Variants in FBXW10 observed in about 807,000 individuals in gnomAD.
FBXW10 encodes the protein F-box and WD repeat domain containing 10.
FBXW10 carries 68 observed loss-of-function variants against 113.1 expected under a neutral mutation model. That is an observed-to-expected ratio of 0.60 (90% CI 0.49 to 0.74). The LOEUF is 0.74. Among genes scored for constraint, FBXW10 ranks in the 30% least tolerant of loss-of-function variants. The pLI, the probability that FBXW10 is intolerant of heterozygous loss-of-function variation, is 0.00. For missense variants in FBXW10, 753 were observed against 1,284.5 expected, an observed-to-expected ratio of 0.59 and a Z score of 6.32; for synonymous variants, 289 against 481.6, an observed-to-expected ratio of 0.60 and a Z score of 5.24.
chr17:18,746,847 T>C (rs571031178), intron 1 of FBXW10, among the ~76,000 whole-genome samples: 51 of 151,622 alleles, frequency 3.4e-4, no homozygotes, highest in Admixed American at 5.2e-4. Flanking sequence ...CAAAACTTCA[T>C]CCCATTCACC....
chr17:18,765,991 T>C (rs2035490211), intron 8 of FBXW10, among the ~76,000 whole-genome samples: 1 of 151,908 alleles, frequency 6.6e-6, no homozygotes, highest in African/African-American at 2.4e-5. Flanking sequence ...CCTCCCAAAG[T>C]GCTGGGATTA....
At chr17:18,758,271 C>T in intron 6 of FBXW10, 34 bp from the exon 7 acceptor site, 1 of 1,472,332 alleles carries the variant, frequency 6.8e-7, no homozygotes, top group Admixed American at 2.2e-5. Flanking sequence ...ACTGACTCTT[C>T]TTTCATGGAT....
chr17:18,775,003 C>T, intron 12 of FBXW10, 133 bp from the exon 13 acceptor site: 1 of 606,150 alleles, frequency 1.6e-6, no homozygotes, highest in Admixed American at 3.0e-5. Context: ...AATTATGTAC[C>T]CATAAAAAAC....
chr17:18,745,377 CGGACTCAGCA>C (rs893873020), intron 1 of FBXW10: 1 of 527,518 alleles, frequency 1.9e-6, no homozygotes, highest in Non-Finnish European at 2.4e-6. Flanking sequence ...CCCAGAACTT[CGGACTCAGCA>C]GGTCTGAGGT....
At chr17:18,752,975 A>G (rs1597590619) in intron 5 of FBXW10, among the ~76,000 whole-genome samples, 1 of 152,182 alleles carries the variant, frequency 6.6e-6, no homozygotes, top group Non-Finnish European at 1.5e-5. Flanking sequence ...CAGAAGGACT[A>G]CCCAGCCAGT....
rs534951527 is a variant in FBXW10 at position 18,766,871 on chromosome 17, G to A, written c.1704+9G>A. The A allele has an allele frequency of 6.3e-7, 1 of 1,579,916 alleles. No individual in the cohort carries two copies. Among genetic ancestry groups the A allele is most frequent in the Non-Finnish European group, 8.6e-7 (1 of 1,159,166 alleles). ...TGGCCCAGTTGGTAAAGGTAAGTGGGCAGTGGGCTACCTTGGCGGAAAGGG... is the reference window on the plus strand; with the variant it reads ...TGGCCCAGTTGGTAAAGGTAAGTGGACAGTGGGCTACCTTGGCGGAAAGGG... On this transcript the variant is annotated intron_variant, in intron 9 of 13. Transcript: ENST00000395665.
intron 13 of FBXW10, among the ~76,000 whole-genome samples, chr17:18,775,920 G>A (rs888072712): frequency 1.3e-5 from 2 of 152,072 alleles, no homozygotes; most frequent in Non-Finnish European, 2.9e-5. Context: ...AGCTACTCAG[G>A]AAGCTGAGGC....
chr17:18,751,824 G>C (rs999727698), intron 5 of FBXW10, among the ~76,000 whole-genome samples: 7 of 152,176 alleles, frequency 4.6e-5, no homozygotes, highest in Non-Finnish European at 7.3e-5. Context: ...TCACTTCCAG[G>C]TTTACTCTGG....
At chr17:18,769,596 G>A in intron 10 of FBXW10, 1 of 211,444 alleles carries the variant, frequency 4.7e-6, no homozygotes, top group Non-Finnish European at 9.4e-6. Context: ...GACTAACATG[G>A]TGAAACCCCG....
rs184511037 is a variant in FBXW10, at chr17:18,752,407, C to T, written c.1122+1354C>T. Among the ~76,000 whole-genome samples, 243 of 152,222 alleles carry T rather than the reference C, an allele frequency of 1.6e-3. 1 individual carries two copies. Among genetic ancestry groups the T allele is most frequent in the African/African-American group, 5.6e-3 (232 of 41,542 alleles). ...CATTTAAAAGCAGTTTTAAAAACTA[C>T]ATAGGCCAAAGAAAACACATTTCTG... is the stretch of plus-strand genomic sequence containing the variant. On this transcript the variant is annotated intron_variant, in intron 5 of 13. Transcript: ENST00000395665.
rs1311680564 is a variant in FBXW10, at chr17:18,744,061, T to C, written c.-184T>C. The C allele has an allele frequency of 5.7e-6, 5 of 875,254 alleles. No homozygotes were observed. In the African/African-American group the frequency reaches 6.6e-5, roughly 12 times the overall value. 54.2% of individuals were successfully genotyped at this position (875,254 alleles called of 1,614,324 possible). ...AGGTCTGTACAAAAAGCCAGACTTC[T>C]GCTGGCAGTTACTGAGAGAGATAGG... On this transcript the variant is annotated 5_prime_UTR_variant, in exon 1 of 14. Coordinates refer to ENST00000395665, the MANE Select transcript of FBXW10 (RefSeq NM_001267585.2).
In FBXW10 at chr17:18,764,683, G is replaced by C. The variant is rs140740094; in HGVS notation, c.1434-59G>C. Reference sequence around the variant, plus strand: ...AACTACTTATCTACATGGGTTCTACGCAGTATGATCCTCTGGGCCCTCAGG... The same window carrying C: ...AACTACTTATCTACATGGGTTCTACCCAGTATGATCCTCTGGGCCCTCAGG... On this transcript the variant is annotated intron_variant, in intron 7 of 13. Transcript: ENST00000395665. 2.8e-3 allele frequency: 4,463 copies of C among 1,612,892 alleles called. 90 individuals carry two copies. In the African/African-American group the frequency reaches 0.051, roughly 18 times the overall value.
chr17:18,770,441 T>G (rs1490006460), intron 11 of FBXW10, among the ~76,000 whole-genome samples: 2 of 152,040 alleles, frequency 1.3e-5, no homozygotes, highest in Non-Finnish European at 2.9e-5. Context: ...TAGCTGGGAT[T>G]ACAGGCGCCC....
intron 8 of FBXW10, among the ~76,000 whole-genome samples, chr17:18,765,088 T>G (rs1369379808): frequency 6.6e-6 from 1 of 152,092 alleles, no homozygotes; most frequent in Non-Finnish European, 1.5e-5. Context: ...CTGAGCTAAG[T>G]GCTGAGGAGA....
At chr17:18,761,455 C>T (rs1288230131) in intron 7 of FBXW10, among the ~76,000 whole-genome samples, 3 of 152,114 alleles carry the variant, frequency 2.0e-5, no homozygotes, top group East Asian at 3.9e-4. Flanking sequence ...TTAGTAGAGA[C>T]AAGGTTTCTC....
chr17:18,747,026 G>A (rs1165185213), intron 1 of FBXW10, among the ~76,000 whole-genome samples: 2 of 149,974 alleles, frequency 1.3e-5, no homozygotes, highest in African/African-American at 2.5e-5. Context: ...CCGGGTTCAC[G>A]CCATTCTCCT....
At chr17:18,761,328 C>T (rs1285047245) in intron 7 of FBXW10, among the ~76,000 whole-genome samples, 1 of 151,240 alleles carries the variant, frequency 6.6e-6, no homozygotes, top group African/African-American at 2.4e-5. Flanking sequence ...TGCAGTGGCG[C>T]GATCTCAGCT....
chr17:18,756,959 A>G (rs11655952), intron 6 of FBXW10, among the ~76,000 whole-genome samples: 11,785 of 152,172 alleles, frequency 0.077, 535 homozygotes, highest in South Asian at 0.12. Flanking sequence ...TAGTGTGGTG[A>G]TAACTGCTCT....
At chr17:18,750,636 T>TA (rs903694500) in intron 4 of FBXW10, among the ~76,000 whole-genome samples, 58 of 151,742 alleles carry the variant, frequency 3.8e-4, no homozygotes, top group African/African-American at 1.3e-3. Flanking sequence ...TTGGATTTTT[T>TA]TTCCCCCAGC....
Sources: gnomAD v4.1 joint callset for allele counts (sites outside exome capture counted in the v4.1 genomes callset) on GRCh38, gnomAD v4.1.1 for gene constraint, MANE v1.5 for transcripts, NCBI Gene and HGNC (gene_info 2026-07-23, HGNC 2026-07-21) for gene names.